EPHA5: variants seen among roughly 807,000 people sequenced by gnomAD.
The protein encoded by EPHA5 is ephrin type-A receptor 5.
EPHA5 carries 60 observed loss-of-function variants against 105.0 expected under a neutral mutation model. The observed-to-expected ratio is 0.57, with a 90% CI of 0.46 to 0.71. The LOEUF is 0.71. Ranked by LOEUF, EPHA5 falls within the 30% of genes least tolerant of loss-of-function variation. The pLI is 0.00. For missense variants in EPHA5, 1,218 were observed against 1,274.7 expected (o/e 0.96, Z 0.68); for synonymous variants, 513 against 449.1 (o/e 1.14, Z -1.80).
intron 5 of EPHA5, among the ~76,000 whole-genome samples, chr4:65,437,772 G>A (rs1415543732): frequency 1.3e-4 from 20 of 151,468 alleles, no homozygotes; most frequent in Admixed American, 1.3e-3. Flanking sequence ...TGTAAAATTG[G>A]GGTTATATCT....
At chr4:65,617,065 T>C (rs1745306641) in intron 2 of EPHA5, among the ~76,000 whole-genome samples, 1 of 152,102 alleles carries the variant, frequency 6.6e-6, no homozygotes, top group Non-Finnish European at 1.5e-5. Flanking sequence ...CTTTTGTTAA[T>C]AACACACATT....
At chr4:65,551,110 A>C (rs1737856986) in intron 3 of EPHA5, among the ~76,000 whole-genome samples, 1 of 151,734 alleles carries the variant, frequency 6.6e-6, no homozygotes, top group Non-Finnish European at 1.5e-5. Flanking sequence ...GTATATATGA[A>C]ATATATTTAC....
intron 3 of EPHA5, among the ~76,000 whole-genome samples, chr4:65,576,057 AG>A (rs1740935054): frequency 2.8e-5 from 2 of 70,960 alleles, no homozygotes; most frequent in South Asian, 5.8e-4. Context: ...AAAGAAAGAA[AG>A]AAAAGAAAAG....
At chr4:65,382,304 T>C (rs79137437) in intron 8 of EPHA5, among the ~76,000 whole-genome samples, 72 of 151,642 alleles carry the variant, frequency 4.7e-4, no homozygotes, top group African/African-American at 1.7e-3. Context: ...TTTCAAGCTA[T>C]ACTTCAATAA....
chr4:65,628,125 T>C (rs1746314367), intron 2 of EPHA5, among the ~76,000 whole-genome samples: 1 of 152,092 alleles, frequency 6.6e-6, no homozygotes, highest in Non-Finnish European at 1.5e-5. Context: ...TTTAAGTATA[T>C]TGAAACACAC....
At chr4:65,410,325 T>G (rs1722797534) in intron 7 of EPHA5, among the ~76,000 whole-genome samples, 1 of 152,240 alleles carries the variant, frequency 6.6e-6, no homozygotes, top group Non-Finnish European at 1.5e-5. Context: ...AAAAGGCACG[T>G]ACTGCATGTT....
intron 5 of EPHA5, among the ~76,000 whole-genome samples, chr4:65,459,198 T>C (rs1727896850): frequency 6.6e-6 from 1 of 152,040 alleles, no homozygotes; most frequent in African/African-American, 2.4e-5. Context: ...CTAATTCAAA[T>C]AGGATATTGA....
intron 3 of EPHA5, among the ~76,000 whole-genome samples, chr4:65,504,881 T>A (rs573695830): frequency 1.3e-5 from 2 of 152,134 alleles, no homozygotes; most frequent in Admixed American, 6.6e-5. Context: ...TTCCCCTTGA[T>A]CATTGATTCC....
At chr4:65,523,004 C>A (rs1421794410) in intron 3 of EPHA5, among the ~76,000 whole-genome samples, 2 of 151,858 alleles carry the variant, frequency 1.3e-5, no homozygotes, top group East Asian at 3.9e-4. Flanking sequence ...AAAGAAAAAT[C>A]ATCGTCAAAT....
At chr4:65,519,915 A>G (rs1734508798) in intron 3 of EPHA5, among the ~76,000 whole-genome samples, 1 of 152,126 alleles carries the variant, frequency 6.6e-6, no homozygotes, top group African/African-American at 2.4e-5. Context: ...ATGCTCATGG[A>G]TACGAAGAAT....
At chr4:65,639,892 T>G (rs529600548) in intron 2 of EPHA5, among the ~76,000 whole-genome samples, 3 of 152,322 alleles carry the variant, frequency 2.0e-5, no homozygotes, top group Admixed American at 1.3e-4. Context: ...GTTTTTATAC[T>G]TTTCAACTCC....
At chr4:65,669,450 G>A (rs985883937) in intron 1 of EPHA5, 112 bp downstream of exon 1, 23 of 1,251,664 alleles carry the variant, frequency 1.8e-5, no homozygotes, top group Non-Finnish European at 2.3e-5. Context: ...TTTGAGATGA[G>A]ACTGCGATTT....
intron 5 of EPHA5, among the ~76,000 whole-genome samples, chr4:65,432,412 TAAC>T (rs1725064793): frequency 1.3e-5 from 2 of 152,204 alleles, no homozygotes; most frequent in African/African-American, 4.8e-5. Flanking sequence ...TAAGGTTGGT[TAAC>T]AACACTTTCT....
intron 3 of EPHA5, among the ~76,000 whole-genome samples, chr4:65,579,998 G>A (rs560227500): frequency 6.6e-6 from 1 of 151,960 alleles, no homozygotes; most frequent in African/African-American, 2.4e-5. Flanking sequence ...ATGTCCTAAA[G>A]AATGTAAAGC....
chr4:65,395,903 G>T (rs1721179892), intron 8 of EPHA5, among the ~76,000 whole-genome samples: 1 of 152,222 alleles, frequency 6.6e-6, no homozygotes, highest in Non-Finnish European at 1.5e-5. Flanking sequence ...ACCGACTGGA[G>T]AGGGGGAGGT....
chr4:65,562,741 T>C lies in EPHA5; in HGVS notation c.910+38900A>G, dbSNP rs150824338. Among the ~76,000 whole-genome samples the C allele has an allele frequency of 2.0e-5, 3 of 152,168 alleles. No homozygotes were observed. In the East Asian group the frequency reaches 5.8e-4, roughly 29 times the overall value. Reference sequence around the variant, plus strand: ...AGCTTCTTCTCACTTTTTTGAAATATTCTGTTTTTAAGAAAATCTCAAAAG... The same window carrying C: ...AGCTTCTTCTCACTTTTTTGAAATACTCTGTTTTTAAGAAAATCTCAAAAG... On this transcript the variant is annotated intron_variant, in intron 3 of 16. Coordinates refer to ENST00000613740, the MANE Select transcript of EPHA5 (RefSeq NM_001281766.3).
intron 5 of EPHA5, among the ~76,000 whole-genome samples, chr4:65,470,375 A>G (rs1207311000): frequency 6.6e-6 from 1 of 151,908 alleles, no homozygotes; most frequent in Non-Finnish European, 1.5e-5. Context: ...TATTTTTACT[A>G]GAGACAGGAT....
chr4:65,553,612 GA>G (rs1258180522), intron 3 of EPHA5, among the ~76,000 whole-genome samples: 1 of 151,974 alleles, frequency 6.6e-6, no homozygotes, highest in African/African-American at 2.4e-5. Flanking sequence ...AGAATAAGCA[GA>G]AATTCATTTC....
intron 8 of EPHA5, among the ~76,000 whole-genome samples, chr4:65,389,395 A>T (rs1356339206): frequency 6.6e-6 from 1 of 151,046 alleles, no homozygotes; most frequent in Non-Finnish European, 1.5e-5. Flanking sequence ...TGAAGATTCA[A>T]CTCTTTTCTC....
Sources: gnomAD v4.1 joint callset for allele counts (sites outside exome capture counted in the v4.1 genomes callset) on GRCh38, gnomAD v4.1.1 for gene constraint, MANE v1.5 for transcripts, NCBI Gene and HGNC (gene_info 2026-07-23, HGNC 2026-07-21) for gene names.